Variants in ZFPM2 observed in about 807,000 individuals in gnomAD.
ZFPM2 encodes zinc finger protein ZFPM2.
ZFPM2 carries 20 observed loss-of-function variants against 98.6 expected under a neutral mutation model. The observed-to-expected ratio is 0.20, with a 90% CI of 0.14 to 0.29. ZFPM2 has a LOEUF of 0.29. Among genes scored for constraint, ZFPM2 ranks in the 10% least tolerant of loss-of-function variants. ZFPM2 has a pLI of 1.00. For synonymous variants in ZFPM2, 518 were observed against 502.7 expected (o/e 1.03, Z -0.41); for missense variants, 1,310 against 1,388.6 (o/e 0.94, Z 0.90).
chr8:105,445,833 G>A (rs774349074), intron 3 of ZFPM2, among the ~76,000 whole-genome samples: 3 of 151,798 alleles, frequency 2.0e-5, no homozygotes, highest in Non-Finnish European at 4.4e-5. Flanking sequence ...TCAAACTCCT[G>A]AGCTCAAATG....
At chr8:105,583,409 T>C (rs897626511) in intron 4 of ZFPM2, among the ~76,000 whole-genome samples, 18 of 152,180 alleles carry the variant, frequency 1.2e-4, no homozygotes, top group African/African-American at 4.3e-4. Flanking sequence ...TTTAAAAATT[T>C]CTAAGCTTTC....
At chr8:105,508,291 T>G (rs919127492) in intron 3 of ZFPM2, among the ~76,000 whole-genome samples, 1 of 152,068 alleles carries the variant, frequency 6.6e-6, no homozygotes, top group Non-Finnish European at 1.5e-5. Context: ...GCTGGAAACT[T>G]ATCAGCTTCT....
At chr8:105,410,503 C>G (rs1811553720) in intron 1 of ZFPM2, among the ~76,000 whole-genome samples, 1 of 151,864 alleles carries the variant, frequency 6.6e-6, no homozygotes, top group Admixed American at 6.6e-5. Flanking sequence ...TTAAAAGACT[C>G]CGTGCCCCAT....
intron 4 of ZFPM2, among the ~76,000 whole-genome samples, chr8:105,633,061 A>T (rs1816782352): frequency 6.6e-6 from 1 of 152,182 alleles, no homozygotes; most frequent in African/African-American, 2.4e-5. Flanking sequence ...TTAACAATGG[A>T]TCAGTGTTTT....
At chr8:105,798,573 T>C (rs192939326) in intron 6 of ZFPM2, 151 bp from the exon 7 acceptor site, 61 of 636,334 alleles carry the variant, frequency 9.6e-5, no homozygotes, top group African/African-American at 8.8e-4. Context: ...AGTCCTATGC[T>C]GTAGAACAAC....
chr8:105,328,017 C>G (rs1196908289), intron 1 of ZFPM2, among the ~76,000 whole-genome samples: 1 of 151,676 alleles, frequency 6.6e-6, no homozygotes, highest in Non-Finnish European at 1.5e-5. Context: ...CCTGTGAATT[C>G]AGTGCGAATC....
chr8:105,443,388 TG>T (rs1370332384), intron 2 of ZFPM2, among the ~76,000 whole-genome samples: 1 of 151,792 alleles, frequency 6.6e-6, no homozygotes, highest in Non-Finnish European at 1.5e-5. Context: ...TTAGTATTCA[TG>T]TTTTTTTGTC....
intron 1 of ZFPM2, among the ~76,000 whole-genome samples, chr8:105,383,940 G>T (rs1436693810): frequency 1.3e-5 from 2 of 152,054 alleles, no homozygotes; most frequent in East Asian, 3.9e-4. Flanking sequence ...TTTCAAATCT[G>T]CCTAGGTATT....
At chr8:105,742,123 A>G (rs942210309) in intron 5 of ZFPM2, among the ~76,000 whole-genome samples, 5 of 151,926 alleles carry the variant, frequency 3.3e-5, no homozygotes, top group Non-Finnish European at 5.9e-5. Context: ...ATGGAGGCCA[A>G]GGCAAGATGG....
rs568754985 is a variant in ZFPM2 at position 105,559,437 on chromosome 8, G to A, written c.302-1926G>A. On this transcript the variant is annotated intron_variant, in intron 3 of 7. Coordinates refer to ENST00000407775, the MANE Select transcript of ZFPM2 (RefSeq NM_012082.4). ...ATGTGTATTTGTCTTAATTTAATGT[G>A]TTCTTCAATTTTCAGTGTATTTTTC... is the stretch of plus-strand genomic sequence containing the variant. Among the ~76,000 whole-genome samples, 5 of 152,198 alleles carry A rather than the reference G, an allele frequency of 3.3e-5. No individual in the cohort carries two copies. In the South Asian group the frequency reaches 8.3e-4, roughly 25 times the overall value.
intron 4 of ZFPM2, among the ~76,000 whole-genome samples, chr8:105,599,391 T>TAAA (rs71577982): frequency 8.2e-4 from 112 of 137,400 alleles, no homozygotes; most frequent in African/African-American, 2.2e-3. Flanking sequence ...TTTTCGTCTT[T>TAAA]AAAAAAAAAA....
chr8:105,531,615 C>T (rs897000252), intron 3 of ZFPM2, among the ~76,000 whole-genome samples: 4 of 152,128 alleles, frequency 2.6e-5, no homozygotes, highest in African/African-American at 9.7e-5. Flanking sequence ...AGGATTTCAA[C>T]ATATCTTTTG....
intron 5 of ZFPM2, among the ~76,000 whole-genome samples, chr8:105,646,543 A>T (rs1586171421): frequency 6.6e-6 from 1 of 151,960 alleles, no homozygotes; most frequent in East Asian, 1.9e-4. Flanking sequence ...CAGACTTAGG[A>T]TTTCATTTTT....
chr8:105,587,547 C>T (rs2130756913), intron 4 of ZFPM2, among the ~76,000 whole-genome samples: 1 of 152,258 alleles, frequency 6.6e-6, no homozygotes, highest in South Asian at 2.1e-4. Context: ...ATGCTGAATG[C>T]TCCTTACATT....
chr8:105,720,168 T>C (rs3779777), intron 5 of ZFPM2, among the ~76,000 whole-genome samples: 12,587 of 151,912 alleles, frequency 0.083, 733 homozygotes, highest in African/African-American at 0.15. Flanking sequence ...CTTCTAGGGA[T>C]GCAAATGAAC....
intron 3 of ZFPM2, among the ~76,000 whole-genome samples, chr8:105,511,864 G>C (rs1181992320): frequency 6.6e-6 from 1 of 152,184 alleles, no homozygotes; most frequent in Non-Finnish European, 1.5e-5. Flanking sequence ...AGGCACCACA[G>C]GTCAGACGGG....
At chr8:105,319,962 C>T (rs1586289250) in intron 1 of ZFPM2, among the ~76,000 whole-genome samples, 1 of 152,150 alleles carries the variant, frequency 6.6e-6, no homozygotes, top group East Asian at 1.9e-4. Flanking sequence ...ATCTTCAACG[C>T]TTTGGCCGAA....
intron 1 of ZFPM2, among the ~76,000 whole-genome samples, chr8:105,396,153 T>C (rs1811214323): frequency 6.6e-6 from 1 of 152,188 alleles, no homozygotes; most frequent in African/African-American, 2.4e-5. Flanking sequence ...GTGTATCAAG[T>C]AAAGCTTGTC....
intron 4 of ZFPM2, among the ~76,000 whole-genome samples, chr8:105,565,037 A>G (rs1387182931): frequency 2.0e-5 from 3 of 152,248 alleles, no homozygotes; most frequent in Non-Finnish European, 2.9e-5. Flanking sequence ...TCGCCAACTG[A>G]TGTAATGTTA....
Sources: gnomAD v4.1 joint callset for allele counts (sites outside exome capture counted in the v4.1 genomes callset) on GRCh38, gnomAD v4.1.1 for gene constraint, MANE v1.5 for transcripts, NCBI Gene and HGNC (gene_info 2026-07-23, HGNC 2026-07-21) for gene names.